GRK1: variants seen among roughly 807,000 people sequenced by gnomAD.
GRK1 encodes the protein G protein-coupled receptor kinase 1, also known as rhodopsin kinase GRK1.
GRK1 carries 28 observed loss-of-function variants against 41.7 expected under a neutral mutation model. The observed-to-expected ratio is 0.67, with a 90% CI of 0.50 to 0.92. The LOEUF (loss-of-function observed/expected upper bound fraction) is 0.92, where lower values mean the gene tolerates loss of function less well. Ranked by LOEUF, GRK1 falls within the 40% of genes least tolerant of loss-of-function variation. The probability of loss-of-function intolerance (pLI) is 0.00; values close to 1 mark genes in which losing one functional copy is unlikely to be tolerated. For missense variants in GRK1, 703 were observed against 671.2 expected (o/e 1.05, Z -0.52); for synonymous variants, 327 against 286.7 (o/e 1.14, Z -1.42).
the GRK1 span, among the ~76,000 whole-genome samples, chr13:113,659,096 G>A: frequency 6.6e-6 from 1 of 152,198 alleles, no homozygotes; most frequent in Non-Finnish European, 1.5e-5. Context: ...GCCCACTTCC[G>A]CCCGGAGATT....
At chr13:113,723,286 GTC>G (rs1233553349) in intron 4 of GRK1, 129 bp downstream of exon 4, 5 of 514,682 alleles carry the variant, frequency 9.7e-6, no homozygotes, top group Non-Finnish European at 1.4e-5. Context: ...GCACATGGGC[GTC>G]TGTGTGGTTG....
At position 113,723,145 on chromosome 13, in the gene GRK1, G is replaced by A. The variant is rs1025316864; in HGVS notation, c.1057G>A (p.Ala353Thr). The change falls in exon 4 of 7, where the codon GCA (alanine) becomes ACA (threonine). Residue 353 changes from alanine to threonine, a missense_variant. By Grantham distance (58) the Ala-to-Thr change is moderately conservative. Transcript: ENST00000335678. ...LDGQSKTKGY[A>T]GTPGFMAPEL... ...CGGACAGAGCAAGACCAAGGGCTAC[G>A]CAGGGACCCCAGGTAAGGGTCTGAG... 6 of 701,284 alleles carry A rather than the reference G, an allele frequency of 8.6e-6. No homozygotes were observed. Among genetic ancestry groups the A allele is most frequent in the Admixed American group, 6.0e-5 (3 of 49,748 alleles). 43.4% of individuals were successfully genotyped at this position (701,284 alleles called of 1,614,324 possible).
chr13:113,667,186 G>T, upstream of GRK1: 1 of 573,076 alleles, frequency 1.7e-6, no homozygotes, highest in East Asian at 2.8e-5. This position sits in a 1 kb window ranked among gnomAD's most constrained non-coding sequence, Gnocchi z 7.5. Flanking sequence ...TTAGCCTGGT[G>T]CTGTGTCAGC....
chr13:113,724,930 A>C (rs2049881610), intron 4 of GRK1, among the ~76,000 whole-genome samples: 1 of 152,084 alleles, frequency 6.6e-6, no homozygotes, highest in Non-Finnish European at 1.5e-5. Flanking sequence ...GGAAGAGTTA[A>C]CCTCACGGAT....
intron 1 of GRK1, among the ~76,000 whole-genome samples, chr13:113,669,286 TG>T (rs1485140548): frequency 4.6e-5 from 7 of 151,846 alleles, no homozygotes; most frequent in African/African-American, 1.7e-4. Flanking sequence ...TGAAGCAGAG[TG>T]GTGAGGGGGT....
At position 113,671,583 on chromosome 13, in the gene GRK1, C is replaced by G. The variant is rs371070409; in HGVS notation, c.912C>G (p.Gly304=). The change falls in exon 3 of 7, where the codon GGC becomes GGG. Residue 304 remains glycine, a synonymous_variant. Transcript: ENST00000335678. This position sits in a 1 kb window ranked among gnomAD's most constrained non-coding sequence, Gnocchi z 4.1. ...TCTACACGGCGCAGATCATCTGCGGCCTGGAGCACCTGCACCAGAGGCGGA... is the reference window on the plus strand; with the variant it reads ...TCTACACGGCGCAGATCATCTGCGGGCTGGAGCACCTGCACCAGAGGCGGA... The part of the protein sequence containing the change: ...ALFYTAQIIC[G]LEHLHQRRIV... 77 of 775,860 alleles carry G rather than the reference C, an allele frequency of 9.9e-5. No individual in the cohort carries two copies. In the African/African-American group the frequency reaches 1.2e-3, roughly 12 times the overall value. 48.1% of individuals were successfully genotyped at this position (775,860 alleles called of 1,614,324 possible).
In GRK1 at chr13:113,731,457, C is replaced by T. The variant is rs2140731454; in HGVS notation, c.1194+114C>T. 1 of 1,429,022 alleles carries T rather than the reference C, an allele frequency of 7.0e-7. No homozygotes were observed. 88.5% of individuals were successfully genotyped at this position (1,429,022 alleles called of 1,614,324 possible). On this transcript the variant is annotated intron_variant, in intron 5 of 6. Transcript: ENST00000335678. This position sits in a 1 kb window ranked among gnomAD's most constrained non-coding sequence, Gnocchi z 5.6. The stretch of plus-strand genomic sequence containing the variant: ...CAGACCTGGGAGTTGTTCTGTGGGC[C>T]CTGGGGTGGGGAGGGCACAGATTCA...
At chr13:113,657,924 G>A in the GRK1 span, 1 of 879,220 alleles carries the variant, frequency 1.1e-6, no homozygotes, top group Admixed American at 2.6e-5. Context: ...GCAGCATCGG[G>A]GTCTCACTGT....
chr13:113,672,722 T>C, intron 3 of GRK1, among the ~76,000 whole-genome samples: 1 of 73,910 alleles, frequency 1.4e-5, no homozygotes, highest in African/African-American at 8.4e-5. Context: ...AGCCTTTGGG[T>C]TTTGCCAATA....
chr13:113,735,465 G>C lies in GRK1; in HGVS notation c.*102G>C, dbSNP rs1045180488. On this transcript the variant is annotated 3_prime_UTR_variant, in exon 7 of 7. Transcript: ENST00000335678. ...CTGGGGTCTGCTAGCAAGGGGACAC[G>C]TGGTTCCCTCCACCCAGGTCCCCAT... The C allele has an allele frequency of 2.1e-5, 27 of 1,283,952 alleles. No homozygotes were observed. Among genetic ancestry groups the C allele is most frequent in the African/African-American group, 3.0e-5 (2 of 66,578 alleles). 79.5% of individuals were successfully genotyped at this position (1,283,952 alleles called of 1,614,324 possible). A position where few individuals can be genotyped will look rare whatever the true frequency, so the allele number is the denominator to read the frequency against.
chr13:113,727,751 C>A (rs2049899822), intron 4 of GRK1, among the ~76,000 whole-genome samples: 1 of 95,924 alleles, frequency 1.0e-5, no homozygotes, highest in Non-Finnish European at 2.1e-5. Context: ...GATGAGGACC[C>A]ATGGCGATGA....
At chr13:113,732,695 G>A (rs1326807304) in intron 5 of GRK1, among the ~76,000 whole-genome samples, 189 bp from the exon 6 acceptor site, 1 of 152,234 alleles carries the variant, frequency 6.6e-6, no homozygotes, top group Admixed American at 6.5e-5. Context: ...GCTCCTGGGA[G>A]CTTCGCCTTT....
At chr13:113,668,120 G>A in intron 1 of GRK1, 35 bp downstream of exon 1, 1 of 1,572,666 alleles carries the variant, frequency 6.4e-7, no homozygotes, top group Non-Finnish European at 8.6e-7. Context: ...GGGATGGGGT[G>A]GCAGGGTGCA....
Position 113,731,630 on chromosome 13 carries a change from C to T in GRK1, c.1194+287C>T, listed in dbSNP as rs2049938121. Among the ~76,000 whole-genome samples, 1 of 152,196 alleles carries T rather than the reference C, an allele frequency of 6.6e-6. No homozygotes were observed. Among genetic ancestry groups the T allele is most frequent in the East Asian group, 1.9e-4 (1 of 5,192 alleles). On this transcript the variant is annotated intron_variant, in intron 5 of 6. Transcript: ENST00000335678. The surrounding 1 kb of genome is among the most constrained non-coding windows in gnomAD (Gnocchi z 5.6). ...GACCCTCCCACCAGACAGCACGCCA[C>T]CACTCAGCCTCTGAGGGCCCTGTGG...
At chr13:113,662,167 C>T in the GRK1 span, among the ~76,000 whole-genome samples, 1 of 152,190 alleles carries the variant, frequency 6.6e-6, no homozygotes, top group Admixed American at 6.5e-5. Flanking sequence ...GTTCAGTATT[C>T]AAAACCCAAT....
the GRK1 span, chr13:113,654,990 G>A: frequency 7.5e-6 from 12 of 1,609,704 alleles, no homozygotes; most frequent in Middle Eastern, 1.7e-4. Context: ...CCATTTTAAC[G>A]CACACAATTC....
intron 5 of GRK1, 96 bp from the exon 6 acceptor site, chr13:113,732,787 TG>T: frequency 7.6e-7 from 1 of 1,310,460 alleles, no homozygotes; most frequent in Non-Finnish European, 1.0e-6. Flanking sequence ...CCCACCCGCG[TG>T]GGTGAGCGGT....
In GRK1 at chr13:113,735,315, C is replaced by T. The variant is rs780900996; in HGVS notation, c.1644C>T (p.Ser548=). 21 of 1,530,012 alleles carry T rather than the reference C, an allele frequency of 1.4e-5. No homozygotes were observed. Among genetic ancestry groups the T allele is most frequent in the East Asian group, 4.9e-5 (2 of 40,710 alleles). 94.8% of individuals were successfully genotyped at this position (1,530,012 alleles called of 1,614,324 possible). The change falls in exon 7 of 7, where the codon TCC becomes TCT. Residue 548 remains serine, a synonymous_variant. Coordinates refer to ENST00000335678, the MANE Select transcript of GRK1 (RefSeq NM_002929.3). Reference sequence around the variant, plus strand: ...TGCCGGACGACATGAAGGGCATCTCCGGGGGCTCCAGCTCCTCGTCCAAGT... The same window carrying T: ...TGCCGGACGACATGAAGGGCATCTCTGGGGGCTCCAGCTCCTCGTCCAAGT... ...GQMPDDMKGI[S]GGSSSSSKSG... is the part of the protein sequence containing the mutation.
intron 6 of GRK1, among the ~76,000 whole-genome samples, chr13:113,733,590 T>G (rs902996577): frequency 2.0e-5 from 3 of 150,866 alleles, no homozygotes; most frequent in Non-Finnish European, 2.9e-5. Flanking sequence ...TGCATACGTG[T>G]GTGTGCATGT....
Sources: allele counts gnomAD v4.1 joint callset (sites outside exome capture counted in the v4.1 genomes callset), GRCh38; gene constraint gnomAD v4.1.1; non-coding constraint Gnocchi (gnomAD v3.1); transcripts MANE v1.5; gene names NCBI Gene and HGNC (gene_info 2026-07-23, HGNC 2026-07-21).